ADAM7: variants seen among roughly 807,000 people sequenced by gnomAD.
ADAM7 encodes ADAM metallopeptidase domain 7, also known as disintegrin and metalloproteinase domain-containing protein 7.
Under a neutral mutation model 102.9 loss-of-function variants are expected in ADAM7, and 97 were observed. The observed-to-expected ratio is 0.94, with a 90% CI of 0.80 to 1.12. The LOEUF is 1.12. Among genes scored for constraint, ADAM7 ranks in the 50% most tolerant of loss-of-function variants. ADAM7 has a pLI of 0.00. For missense variants in ADAM7, 991 were observed against 908.7 expected, an observed-to-expected ratio of 1.09 and a Z score of -1.16; for synonymous variants, 334 against 304.4, an observed-to-expected ratio of 1.10 and a Z score of -1.01.
chr8:24,476,606 G>T, intron 8 of ADAM7, 102 bp downstream of exon 8: 1 of 815,182 alleles, frequency 1.2e-6, no homozygotes, highest in Non-Finnish European at 1.9e-6. Flanking sequence ...GATATTAAGG[G>T]AGTACAAAGC....
chr8:24,450,535 T>A (rs1818742160), intron 3 of ADAM7, among the ~76,000 whole-genome samples: 1 of 152,246 alleles, frequency 6.6e-6, no homozygotes, highest in East Asian at 1.9e-4. Flanking sequence ...GCTTATCAGC[T>A]TAAGGAGATT....
intron 21 of ADAM7, among the ~76,000 whole-genome samples, chr8:24,508,305 C>A (rs1821018433): frequency 6.6e-6 from 1 of 152,128 alleles, no homozygotes; most frequent in South Asian, 2.1e-4. Flanking sequence ...TTAGTGCCAG[C>A]AAACTGTTTG....
At chr8:24,473,556 C>T (rs968713762) in intron 7 of ADAM7, among the ~76,000 whole-genome samples, 2 of 152,048 alleles carry the variant, frequency 1.3e-5, no homozygotes. Flanking sequence ...GTCATATGTC[C>T]AAGACTAGAA....
intron 10 of ADAM7, among the ~76,000 whole-genome samples, 178 bp downstream of exon 10, chr8:24,485,539 A>G (rs138307487): frequency 4.9e-4 from 74 of 152,336 alleles, no homozygotes; most frequent in African/African-American, 1.7e-3. Context: ...TTGAAAAATT[A>G]TAGATAAATA....
At chr8:24,488,222 T>C (rs1820210484) in intron 11 of ADAM7, among the ~76,000 whole-genome samples, 1 of 152,188 alleles carries the variant, frequency 6.6e-6, no homozygotes, top group Non-Finnish European at 1.5e-5. Flanking sequence ...ATAACACCAC[T>C]GTACTAGAAA....
chr8:24,480,629 C>G (rs891641586), intron 8 of ADAM7, among the ~76,000 whole-genome samples: 1 of 152,106 alleles, frequency 6.6e-6, no homozygotes. Flanking sequence ...TCCGTTTGCA[C>G]TTGTGTGTAG....
At chr8:24,500,744 T>G in intron 18 of ADAM7, 46 bp from the exon 19 acceptor site, 1 of 1,509,102 alleles carries the variant, frequency 6.6e-7, no homozygotes, top group South Asian at 1.1e-5. Context: ...TTCCACTGTT[T>G]TACAACTGAT....
chr8:24,451,086 A>C (rs960934836), intron 3 of ADAM7, among the ~76,000 whole-genome samples: 4 of 152,104 alleles, frequency 2.6e-5, no homozygotes, highest in East Asian at 1.9e-4. Context: ...ATCAATGTTC[A>C]TCAAGGATAT....
intron 5 of ADAM7, 44 bp from the exon 6 acceptor site, chr8:24,466,755 T>A: frequency 1.3e-6 from 2 of 1,551,372 alleles, no homozygotes; most frequent in Non-Finnish European, 1.8e-6. Context: ...TGAAATAGAG[T>A]AATTATAGGC....
chr8:24,441,202 T>C (rs372479567), intron 1 of ADAM7, 42 bp downstream of exon 1: 3 of 1,559,726 alleles, frequency 1.9e-6, no homozygotes, highest in Admixed American at 1.7e-5. Flanking sequence ...TATTATGCTG[T>C]GAGGTTGTGT....
At chr8:24,490,945 C>CCGGCCGGGCGCGGTGGCT in intron 13 of ADAM7, 57 bp downstream of exon 13, 1 of 1,567,168 alleles carries the variant, frequency 6.4e-7, no homozygotes, top group South Asian at 1.1e-5. Context: ...TATGTAGGAT[C>CCGGCCGGGCGCGGTGGCT]CAAGAGTTAT....
chr8:24,479,655 G>A (rs1819884103), intron 8 of ADAM7, among the ~76,000 whole-genome samples: 1 of 152,074 alleles, frequency 6.6e-6, no homozygotes, highest in Admixed American at 6.6e-5. Context: ...AGATCCCTGT[G>A]TCTGGATCTC....
intron 16 of ADAM7, among the ~76,000 whole-genome samples, chr8:24,496,442 C>T (rs7827036): frequency 0.28 from 42,983 of 152,106 alleles, 6,682 homozygotes; most frequent in South Asian, 0.39. Flanking sequence ...GTCCTCCAGA[C>T]CCTGGAATGG....
chr8:24,506,142 C>A (rs993120123), intron 20 of ADAM7: 2 of 1,549,752 alleles, frequency 1.3e-6, no homozygotes, highest in African/African-American at 2.7e-5. Context: ...TTCAAGTCCC[C>A]ACTACATCAC....
At chr8:24,504,100 G>A (rs1183518355) in intron 20 of ADAM7, among the ~76,000 whole-genome samples, 2 of 151,802 alleles carry the variant, frequency 1.3e-5, no homozygotes, top group East Asian at 3.8e-4. Context: ...AGGCACAGTG[G>A]CTCACAGCTA....
intron 3 of ADAM7, among the ~76,000 whole-genome samples, chr8:24,457,246 C>G (rs907346279): frequency 7.2e-5 from 11 of 151,982 alleles, no homozygotes; most frequent in African/African-American, 2.7e-4. Context: ...TAAATATTTA[C>G]CCATTTTTAT....
At chr8:24,500,305 GA>G in intron 18 of ADAM7, 49 bp downstream of exon 18, 3 of 1,541,988 alleles carry the variant, frequency 1.9e-6, no homozygotes, top group Non-Finnish European at 2.7e-6. Context: ...CCTACCCAGC[GA>G]AAAAAGTTTT....
At chr8:24,473,003 A>T (rs984124515) in intron 7 of ADAM7, among the ~76,000 whole-genome samples, 6 of 152,132 alleles carry the variant, frequency 3.9e-5, no homozygotes, top group Admixed American at 3.9e-4. Flanking sequence ...TATCAAGCTG[A>T]CTCAACAATA....
chr8:24,442,475 A>G lies in ADAM7; in HGVS notation c.55A>G (p.Lys19Glu). 1 of 1,611,128 alleles carries G rather than the reference A, an allele frequency of 6.2e-7. No homozygotes were observed. The highest frequency in any genetic ancestry group is 8.5e-7 in the Non-Finnish European group (1 of 1,177,268). ...TTTCCTCTTATGTTTCCTCGTAGAA[A>G]AGTTCATCCTTGGAGTAGAGGGTCA... The part of the protein sequence containing the change: ...MILLIPQVKE[K>E]FILGVEGQQL... Residue 19 changes from lysine to glutamate, a missense_variant and splice_region_variant, in exon 2 of 22, where the codon AAG becomes GAG. By Grantham distance (56) the Lys-to-Glu change is moderately conservative. Coordinates refer to ENST00000175238, the MANE Select transcript of ADAM7 (RefSeq NM_003817.4).
Sources: gnomAD v4.1 joint callset for allele counts (sites outside exome capture counted in the v4.1 genomes callset) on GRCh38, gnomAD v4.1.1 for gene constraint, MANE v1.5 for transcripts, NCBI Gene and HGNC (gene_info 2026-07-23, HGNC 2026-07-21) for gene names.